EXTL3: variants seen among roughly 807,000 people sequenced by gnomAD.
EXTL3 encodes exostosin like glycosyltransferase 3, also known as exostosin-like 3.
EXTL3 carries 27 observed loss-of-function variants against 69.3 expected under a neutral mutation model. The ratio of observed to expected loss-of-function variants is 0.39; its 90% confidence interval spans 0.29 to 0.54. The LOEUF is 0.54. Ranked by LOEUF, EXTL3 falls within the 20% of genes least tolerant of loss-of-function variation. EXTL3 has a pLI of 0.69. For missense variants in EXTL3, 1,003 were observed against 1,231.8 expected, an observed-to-expected ratio of 0.81 and a Z score of 2.78; for synonymous variants, 511 against 499.4, an observed-to-expected ratio of 1.02 and a Z score of -0.31.
At chr8:28,744,984 A>G (rs1189007970) in intron 6 of EXTL3, among the ~76,000 whole-genome samples, 3 of 151,782 alleles carry the variant, frequency 2.0e-5, no homozygotes, top group Non-Finnish European at 2.9e-5. Flanking sequence ...AATAATAATA[A>G]TAATTGTGTT....
intron 1 of EXTL3, among the ~76,000 whole-genome samples, chr8:28,660,317 TTGCAC>T (rs1807085447): frequency 6.6e-6 from 1 of 152,058 alleles, no homozygotes; most frequent in Non-Finnish European, 1.5e-5. Flanking sequence ...TGAGCTGTGA[TTGCAC>T]TGCGGCACTC....
At chr8:28,682,035 G>T (rs1198227842) in intron 1 of EXTL3, among the ~76,000 whole-genome samples, 1 of 152,176 alleles carries the variant, frequency 6.6e-6, no homozygotes, top group Non-Finnish European at 1.5e-5. Context: ...CTCCAGTCTG[G>T]GCAACAAGAG....
chr8:28,644,038 A>G (rs1806788885), intron 1 of EXTL3, among the ~76,000 whole-genome samples: 1 of 152,094 alleles, frequency 6.6e-6, no homozygotes, highest in Non-Finnish European at 1.5e-5. Flanking sequence ...TGCTGGGATT[A>G]TGGGCATGAG....
chr8:28,700,996 T>C (rs935381077), upstream of EXTL3: 2 of 152,300 alleles, frequency 1.3e-5, no homozygotes, highest in African/African-American at 4.8e-5. Flanking sequence ...CCCCAGGATT[T>C]TCCTAAGCGT....
intron 1 of EXTL3, among the ~76,000 whole-genome samples, chr8:28,681,661 C>T (rs1387334042): frequency 6.6e-6 from 1 of 152,178 alleles, no homozygotes; most frequent in Admixed American, 6.6e-5. Flanking sequence ...GTAAATACTA[C>T]AGACGTGCGA....
At chr8:28,647,923 A>G (rs1157107014) in intron 1 of EXTL3, among the ~76,000 whole-genome samples, 1 of 53,682 alleles carries the variant, frequency 1.9e-5, no homozygotes, top group Non-Finnish European at 3.5e-5. Context: ...GGGGGGCACT[A>G]GATGGGTTGG....
Position 28,738,758 on chromosome 8 carries a change from A to T in EXTL3, c.2421+1095A>T, listed in dbSNP as rs191436713. On this transcript the variant is annotated intron_variant, in intron 5 of 6. Transcript: ENST00000220562. Reference sequence around the variant, plus strand: ...TTGGCACAGGGCAGGTGTAGGGAACATTTTCATTGCTTACCAATGACACTT... The same window carrying T: ...TTGGCACAGGGCAGGTGTAGGGAACTTTTTCATTGCTTACCAATGACACTT... Among the ~76,000 whole-genome samples the T allele has an allele frequency of 1.2e-4, 19 of 152,040 alleles. No individual in the cohort carries two copies. In the East Asian group the frequency reaches 3.3e-3, roughly 26 times the overall value.
At chr8:28,662,305 G>T (rs1391534312) in intron 1 of EXTL3, among the ~76,000 whole-genome samples, 1 of 151,760 alleles carries the variant, frequency 6.6e-6, no homozygotes, top group Non-Finnish European at 1.5e-5. Context: ...TCTTTTGCTG[G>T]TCACCCTATC....
chr8:28,745,706 C>T (rs998623977), intron 6 of EXTL3, among the ~76,000 whole-genome samples: 1 of 152,160 alleles, frequency 6.6e-6, no homozygotes, highest in Non-Finnish European at 1.5e-5. Context: ...CTAATAATAG[C>T]ATCAGTTACC....
chr8:28,743,174 ACTTC>A lies in EXTL3; in HGVS notation c.2514_2517del (p.Phe838LeufsTer13). ...ATCAACTGTGAGGACATTGCCATGA[ACTTC>A]CTTGTCTCCCACATCACTCGGAAGC... On this transcript the variant is annotated frameshift_variant, in exon 6 of 7. Transcript: ENST00000220562. LOFTEE classifies it high-confidence loss of function. 1 of 1,614,200 alleles carries A rather than the reference ACTTC, an allele frequency of 6.2e-7. No homozygotes were observed. The highest frequency in any genetic ancestry group is 8.5e-7 in the Non-Finnish European group (1 of 1,180,016).
At chr8:28,737,216 A>G (rs1801671620) in intron 4 of EXTL3, among the ~76,000 whole-genome samples, 1 of 152,188 alleles carries the variant, frequency 6.6e-6, no homozygotes, top group African/African-American at 2.4e-5. Context: ...TCCTTAGTAG[A>G]TATTGTACAT....
At chr8:28,700,204 C>G (rs778305141), upstream of EXTL3, 6 of 152,090 alleles carry the variant, frequency 3.9e-5, no homozygotes, top group African/African-American at 7.2e-5. Context: ...GGCGGTAAGA[C>G]TTGGAAAGCA....
intron 5 of EXTL3, 28 bp downstream of exon 5, chr8:28,737,691 C>T (rs181847256): frequency 2.5e-6 from 4 of 1,613,274 alleles, no homozygotes; most frequent in East Asian, 2.2e-5. Flanking sequence ...ATAATGGCAT[C>T]GACTTGGTGA....
At chr8:28,662,865 C>T (rs930593405) in intron 1 of EXTL3, among the ~76,000 whole-genome samples, 11 of 152,038 alleles carry the variant, frequency 7.2e-5, no homozygotes, top group East Asian at 1.9e-4. Context: ...AGCTGAGCTG[C>T]GATTGCACCA....
chr8:28,653,342 T>C (rs1183273781), intron 1 of EXTL3, among the ~76,000 whole-genome samples: 1 of 152,236 alleles, frequency 6.6e-6, no homozygotes, highest in Non-Finnish European at 1.5e-5. Flanking sequence ...CTCTTGATAG[T>C]GTCCATTGAT....
chr8:28,635,709 A>C (rs1982236), intron 1 of EXTL3, among the ~76,000 whole-genome samples: 14 of 133,216 alleles, frequency 1.1e-4, no homozygotes, highest in African/African-American at 5.2e-4. Flanking sequence ...AGACCCCCCC[A>C]CAACTCCACA....
intron 1 of EXTL3, among the ~76,000 whole-genome samples, chr8:28,624,643 T>A (rs1351471846): frequency 6.6e-6 from 1 of 152,186 alleles, no homozygotes; most frequent in Non-Finnish European, 1.5e-5. Context: ...AATTAGTATA[T>A]GTTAGTGATT....
Position 28,716,030 on chromosome 8 carries a change from G to A in EXTL3, c.-30G>A, listed in dbSNP as rs767677381. 3.4e-5 allele frequency: 53 copies of A among 1,569,588 alleles called. No homozygotes were observed. Among genetic ancestry groups the A allele is most frequent in the Non-Finnish European group, 4.2e-5 (48 of 1,154,760 alleles). ...CCATGGTTATGGCGAGTGACCCGACGTGATCTGGGGGGCAGGCTGCAGAGG... is the reference window on the plus strand; with the variant it reads ...CCATGGTTATGGCGAGTGACCCGACATGATCTGGGGGGCAGGCTGCAGAGG... On this transcript the variant is annotated 5_prime_UTR_variant, in exon 3 of 7. In the 5' UTR this introduces an upstream ATG that the reference lacks. Coordinates refer to ENST00000220562, the MANE Select transcript of EXTL3 (RefSeq NM_001440.4). This position sits in a 1 kb window ranked among gnomAD's most constrained non-coding sequence, Gnocchi z 7.1.
At chr8:28,736,021 A>G (rs1376408825) in intron 4 of EXTL3, among the ~76,000 whole-genome samples, 1 of 152,134 alleles carries the variant, frequency 6.6e-6, no homozygotes. Context: ...ATTAGTGTTT[A>G]ATGGGGACAG....
Sources: allele counts gnomAD v4.1 joint callset (sites outside exome capture counted in the v4.1 genomes callset), GRCh38; gene constraint gnomAD v4.1.1; non-coding constraint Gnocchi (gnomAD v3.1); transcripts MANE v1.5; gene names NCBI Gene and HGNC (gene_info 2026-07-23, HGNC 2026-07-21).